TBX15: variants seen among roughly 807,000 people sequenced by gnomAD.
TBX15 encodes the protein T-box transcription factor TBX15.
In TBX15, 18 loss-of-function variants were observed where a neutral mutation model predicts 53.9. The ratio of observed to expected loss-of-function variants is 0.33; its 90% CI spans 0.23 to 0.49. The LOEUF (loss-of-function observed/expected upper bound fraction) is 0.49. Among genes scored for constraint, TBX15 ranks in the 20% least tolerant of loss-of-function variants. The probability of loss-of-function intolerance (pLI) is 0.98; values close to 1 mark genes in which losing one functional copy is unlikely to be tolerated. For missense variants in TBX15, 692 were observed against 749.5 expected (o/e 0.92, Z 0.90); for synonymous variants, 295 against 278.0 (o/e 1.06, Z -0.61).
rs543685452 is a variant in TBX15, at chr1:118,985,451, G to C, written c.205+2140C>G. On this transcript the variant is annotated intron_variant, in intron 1 of 7. Coordinates refer to ENST00000369429, the MANE Select transcript of TBX15 (RefSeq NM_001330677.2). ...ACAGCTCCACCTCTTCTGCTCCCTG[G>C]ACCGCCGCGTCTCCACGCCACGGCG... is the stretch of plus-strand genomic sequence containing the variant. Among the ~76,000 whole-genome samples the C allele has an allele frequency of 3.9e-5, 6 of 152,284 alleles. No individual in the cohort carries two copies. In the South Asian group the frequency reaches 1.2e-3, roughly 32 times the overall value.
At chr1:118,925,254 T>G (rs766748527) in intron 3 of TBX15, among the ~76,000 whole-genome samples, 3 of 152,224 alleles carry the variant, frequency 2.0e-5, no homozygotes, top group Non-Finnish European at 2.9e-5. Context: ...TTGTTCAGGA[T>G]TTTGTTCCTT....
chr1:118,961,403 C>T (rs532137769), intron 1 of TBX15, among the ~76,000 whole-genome samples: 1 of 152,256 alleles, frequency 6.6e-6, no homozygotes, highest in African/African-American at 2.4e-5. Context: ...TCTACAGTCT[C>T]GATGTTTGCA....
At chr1:118,918,843 C>T (rs1222522091) in intron 5 of TBX15, among the ~76,000 whole-genome samples, 1 of 152,120 alleles carries the variant, frequency 6.6e-6, no homozygotes, top group Non-Finnish European at 1.5e-5. Context: ...ACTTGAATAT[C>T]CTGAGTATGG....
Position 118,988,084 on chromosome 1 carries a change from C to A in TBX15, c.-289G>T. On this transcript the variant is annotated 5_prime_UTR_variant, in exon 1 of 8. Coordinates refer to ENST00000369429, the MANE Select transcript of TBX15 (RefSeq NM_001330677.2). Reference sequence around the variant, plus strand: ...GAGTCCTGCTTCCCACCCACCGGGGCAGGCGCTCACAGACTGTGTCCACTG... The same window carrying A: ...GAGTCCTGCTTCCCACCCACCGGGGAAGGCGCTCACAGACTGTGTCCACTG... 1.9e-6 allele frequency: 1 copy of A among 517,012 alleles called. No individual in the cohort carries two copies. The highest frequency in any genetic ancestry group is 3.5e-5 in the East Asian group (1 of 28,838). The allele number at this position is 517,012 out of a possible 1,614,324, so 32.0% of individuals were successfully genotyped here.
chr1:118,979,588 T>G (rs887654360), intron 1 of TBX15, among the ~76,000 whole-genome samples: 1 of 152,198 alleles, frequency 6.6e-6, no homozygotes, highest in Non-Finnish European at 1.5e-5. Context: ...ACCCTTGGGT[T>G]CCATTTGCAT....
At chr1:118,986,552 G>A (rs1172899309) in intron 1 of TBX15, among the ~76,000 whole-genome samples, 3 of 152,184 alleles carry the variant, frequency 2.0e-5, no homozygotes, top group Non-Finnish European at 4.4e-5. Context: ...CCTCTGAGTT[G>A]GACAGCTTTG....
intron 5 of TBX15, among the ~76,000 whole-genome samples, chr1:118,916,019 G>C (rs1027509374): frequency 1.3e-5 from 2 of 152,166 alleles, no homozygotes; most frequent in Non-Finnish European, 2.9e-5. Flanking sequence ...GTGAGAATTA[G>C]GGAGCTTTAT....
At chr1:118,980,428 G>C (rs1235325010) in intron 1 of TBX15, among the ~76,000 whole-genome samples, 2 of 152,244 alleles carry the variant, frequency 1.3e-5, no homozygotes, top group Non-Finnish European at 2.9e-5. Flanking sequence ...TGGGTGGTTT[G>C]TGTTTTTGTT....
intron 3 of TBX15, among the ~76,000 whole-genome samples, chr1:118,925,330 A>G (rs902515137): frequency 1.3e-5 from 2 of 152,208 alleles, no homozygotes; most frequent in Non-Finnish European, 1.5e-5. Context: ...CAAGCCTCTC[A>G]CTGGTTAACC....
chr1:118,972,007 C>T (rs2101702339), intron 1 of TBX15, among the ~76,000 whole-genome samples: 1 of 152,328 alleles, frequency 6.6e-6, no homozygotes, highest in African/African-American at 2.4e-5. Flanking sequence ...CCAAGAGGAG[C>T]TGATAATGAT....
At chr1:118,914,392 A>C (rs535778215) in intron 5 of TBX15, among the ~76,000 whole-genome samples, 1 of 152,230 alleles carries the variant, frequency 6.6e-6, no homozygotes, top group East Asian at 1.9e-4. Flanking sequence ...AAAAACTAAA[A>C]TTTGCCCAGT....
At position 118,987,583 on chromosome 1, in the gene TBX15, G is replaced by T. The variant is rs1657882929; in HGVS notation, c.205+8C>A. 8 of 1,542,556 alleles carry T rather than the reference G, an allele frequency of 5.2e-6. No homozygotes were observed. The highest frequency in any genetic ancestry group is 7.0e-6 in the Non-Finnish European group (8 of 1,144,888). ...CCCGCCTCCCGCGGTCGGCTGCGAC[G>T]CACTCACCCGGGTGAGGCTCCAGGC... On this transcript the variant is annotated splice_region_variant and intron_variant, in intron 1 of 7. Coordinates refer to ENST00000369429, the MANE Select transcript of TBX15 (RefSeq NM_001330677.2).
intron 1 of TBX15, among the ~76,000 whole-genome samples, chr1:118,948,726 C>T (rs1170905802): frequency 1.3e-5 from 2 of 152,284 alleles, no homozygotes; most frequent in African/African-American, 4.8e-5. Flanking sequence ...TCAAAATGAT[C>T]TTGTGAAACA....
chr1:118,915,784 A>G (rs936165126), intron 5 of TBX15, among the ~76,000 whole-genome samples: 7 of 152,078 alleles, frequency 4.6e-5, no homozygotes, highest in African/African-American at 1.7e-4. Flanking sequence ...CTCATTTATG[A>G]TAGGGATTTC....
chr1:118,927,762 T>C (rs916940386), intron 2 of TBX15, among the ~76,000 whole-genome samples: 5 of 152,200 alleles, frequency 3.3e-5, no homozygotes, highest in African/African-American at 1.2e-4. Flanking sequence ...TGAGTTTCAA[T>C]AAGTCTAGAA....
intron 1 of TBX15, among the ~76,000 whole-genome samples, chr1:118,986,068 G>A (rs892361292): frequency 1.3e-5 from 2 of 152,232 alleles, no homozygotes; most frequent in African/African-American, 4.8e-5. Context: ...TCTGCCACGC[G>A]CAGCTAAACA....
At chr1:118,959,024 C>CAGAG (rs10563585) in intron 1 of TBX15, among the ~76,000 whole-genome samples, 158 of 144,532 alleles carry the variant, frequency 1.1e-3, no homozygotes, top group Middle Eastern at 3.5e-3. Flanking sequence ...GGTATAATAT[C>CAGAG]AGAGAGAGAG....
chr1:118,914,008 G>A (rs945162576), intron 6 of TBX15, 107 bp downstream of exon 6: 35 of 1,083,868 alleles, frequency 3.2e-5, no homozygotes, highest in South Asian at 2.0e-4. Flanking sequence ...ACACAGTGGC[G>A]GAGCATACAG....
chr1:118,926,898 G>GTA (rs766886404), intron 2 of TBX15, among the ~76,000 whole-genome samples: 1 of 135,658 alleles, frequency 7.4e-6, no homozygotes, highest in Non-Finnish European at 1.7e-5. Flanking sequence ...GTGTGTGTGT[G>GTA]TGTGTTTAGT....
Sources: gnomAD v4.1 joint callset for allele counts (sites outside exome capture counted in the v4.1 genomes callset) on GRCh38, gnomAD v4.1.1 for gene constraint, MANE v1.5 for transcripts, NCBI Gene and HGNC (gene_info 2026-07-23, HGNC 2026-07-21) for gene names.